The following PRKCA variants were observed in gnomAD, a reference collection of about 807,000 sequenced individuals.
The protein encoded by PRKCA is protein kinase C alpha type.
In PRKCA, 27 loss-of-function variants were observed where a neutral mutation model predicts 87.0. That is an observed-to-expected ratio of 0.31 (90% CI 0.23 to 0.43). The LOEUF (loss-of-function observed/expected upper bound fraction) is 0.43, where lower values mean the gene tolerates loss of function less well. Ranked by LOEUF, PRKCA falls within the 20% of genes least tolerant of loss-of-function variation. PRKCA has a pLI of 1.00. For missense variants in PRKCA, 518 were observed against 852.3 expected, an observed-to-expected ratio of 0.61 and a Z score of 4.88; for synonymous variants, 329 against 311.1, an observed-to-expected ratio of 1.06 and a Z score of -0.61.
intron 5 of PRKCA, among the ~76,000 whole-genome samples, chr17:66,667,807 A>C (rs1272130582): frequency 2.0e-5 from 3 of 152,240 alleles, no homozygotes; most frequent in Admixed American, 6.5e-5. Flanking sequence ...TTCTAGAAAC[A>C]GTGGAATTCC....
chr17:66,530,620 C>G (rs1475136137), intron 3 of PRKCA, among the ~76,000 whole-genome samples: 3 of 152,072 alleles, frequency 2.0e-5, no homozygotes, highest in Admixed American at 2.0e-4. Flanking sequence ...TGTTGGCTTC[C>G]AAACCTTCCG....
chr17:66,739,644 C>T (rs1467943179), intron 11 of PRKCA, among the ~76,000 whole-genome samples: 2 of 152,086 alleles, frequency 1.3e-5, no homozygotes, highest in Admixed American at 6.6e-5. Flanking sequence ...ACGAAATGAC[C>T]GGCTCAGAGG....
intron 3 of PRKCA, among the ~76,000 whole-genome samples, chr17:66,545,980 T>C (rs776048336): frequency 3.3e-5 from 5 of 152,262 alleles, no homozygotes; most frequent in Admixed American, 6.5e-5. Context: ...AGCTTTCTTT[T>C]AGATTAATGT....
intron 3 of PRKCA, among the ~76,000 whole-genome samples, chr17:66,551,238 A>G (rs771421379): frequency 6.6e-5 from 10 of 152,044 alleles, no homozygotes; most frequent in Non-Finnish European, 1.5e-4. Flanking sequence ...AATTTTTTAT[A>G]CTTTTCCGTA....
In PRKCA at chr17:66,590,856, A is replaced by C. The variant is rs372251026; in HGVS notation, c.289-50499A>C. On this transcript the variant is annotated intron_variant, in intron 3 of 16. Transcript: ENST00000413366. ...CGGAGCAAGACTCCGTCTCAAAAAA[A>C]AAAAAGTGGATGCCGGTCCTGAAAT... 3.9e-4 allele frequency among the ~76,000 whole-genome samples: 59 copies of C among 152,254 alleles called. 2 individuals are homozygous for C. Among genetic ancestry groups the C allele is most frequent in the Admixed American group, 1.2e-3 (19 of 15,300 alleles).
rs1348641256 is a variant in PRKCA at position 66,803,182 on chromosome 17, C to CA, written c.1855-690dup. ...GCCTCTCCCTGCCTCCCCAGGGCGCCATGCAAACATCCTCCAGCCTGAGAC... is the reference window on the plus strand; with the variant it reads ...GCCTCTCCCTGCCTCCCCAGGGCGCCAATGCAAACATCCTCCAGCCTGAGAC... On this transcript the variant is annotated intron_variant, in intron 16 of 16. Transcript: ENST00000413366. This position sits in a 1 kb window ranked among gnomAD's most constrained non-coding sequence, Gnocchi z 4.4. Among the ~76,000 whole-genome samples, 1 of 152,136 alleles carries CA rather than the reference C, an allele frequency of 6.6e-6. No individual in the cohort carries two copies. The highest frequency in any genetic ancestry group is 6.5e-5 in the Admixed American group (1 of 15,278).
chr17:66,310,695 C>A (rs1905046839), intron 2 of PRKCA, among the ~76,000 whole-genome samples: 2 of 152,150 alleles, frequency 1.3e-5, no homozygotes, highest in African/African-American at 2.4e-5. Flanking sequence ...TGAGTCTCCT[C>A]TTGGCTGTGT....
chr17:66,310,207 A>ATTTT (rs11361111), intron 2 of PRKCA, among the ~76,000 whole-genome samples: 2 of 145,390 alleles, frequency 1.4e-5, no homozygotes, highest in Admixed American at 1.4e-4. Flanking sequence ...GTTTTCTCTA[A>ATTTT]TTTTTTTTTT....
chr17:66,582,123 G>T (rs1220129701), intron 3 of PRKCA, among the ~76,000 whole-genome samples: 2 of 152,160 alleles, frequency 1.3e-5, no homozygotes, highest in Non-Finnish European at 2.9e-5. Context: ...CTCTACTGAG[G>T]TCTTGTATAC....
chr17:66,428,500 TTC>T (rs1291510467), intron 2 of PRKCA, among the ~76,000 whole-genome samples: 3 of 151,808 alleles, frequency 2.0e-5, no homozygotes, highest in African/African-American at 7.2e-5. Flanking sequence ...TGAAAAATTT[TTC>T]TTTCTTTTTT....
chr17:66,627,653 C>T (rs888008354), intron 3 of PRKCA, among the ~76,000 whole-genome samples: 6 of 152,140 alleles, frequency 3.9e-5, no homozygotes, highest in African/African-American at 1.2e-4. Context: ...GCTATAAAAC[C>T]GAATCCAGTG....
At chr17:66,479,907 A>G (rs1418016183) in intron 2 of PRKCA, among the ~76,000 whole-genome samples, 1 of 151,478 alleles carries the variant, frequency 6.6e-6, no homozygotes, top group Non-Finnish European at 1.5e-5. Context: ...TCAAGGGTAC[A>G]TGGCTTCATA....
chr17:66,422,693 A>C (rs1912557720), intron 2 of PRKCA, among the ~76,000 whole-genome samples: 1 of 152,164 alleles, frequency 6.6e-6, no homozygotes, highest in Non-Finnish European at 1.5e-5. Flanking sequence ...GACATAAGAG[A>C]GCCCGTGTCA....
rs574695507 is a variant in PRKCA at position 66,478,980 on chromosome 17, C to T, written c.206-17221C>T. On this transcript the variant is annotated intron_variant, in intron 2 of 16. Coordinates refer to ENST00000413366, the MANE Select transcript of PRKCA (RefSeq NM_002737.3). Reference sequence around the variant, plus strand: ...ATAGGCATGGGCAAAGATTTCATGACGAAGACGCCAAAAGCAATTGCGACA... The same window carrying T: ...ATAGGCATGGGCAAAGATTTCATGATGAAGACGCCAAAAGCAATTGCGACA... Among the ~76,000 whole-genome samples, 45 of 152,276 alleles carry T rather than the reference C, an allele frequency of 3.0e-4. 1 individual carries two copies. The highest frequency in any genetic ancestry group is 9.1e-4 in the African/African-American group (38 of 41,560).
At chr17:66,616,868 T>C (rs1186311349) in intron 3 of PRKCA, among the ~76,000 whole-genome samples, 1 of 144,106 alleles carries the variant, frequency 6.9e-6, no homozygotes, top group Non-Finnish European at 1.5e-5. Flanking sequence ...GCTGCTGTCA[T>C]GGGCAATGGG....
intron 16 of PRKCA, 103 bp downstream of exon 16, chr17:66,789,082 C>A: frequency 2.1e-6 from 3 of 1,426,518 alleles, no homozygotes; most frequent in East Asian, 2.5e-5. Flanking sequence ...GTGCCCCTGG[C>A]TTGTACAGGG....
chr17:66,327,472 G>A (rs761622707), intron 2 of PRKCA, among the ~76,000 whole-genome samples: 1 of 151,926 alleles, frequency 6.6e-6, no homozygotes, highest in Non-Finnish European at 1.5e-5. Flanking sequence ...GGAGGTGGAG[G>A]TTGCAGTGAG....
intron 3 of PRKCA, among the ~76,000 whole-genome samples, chr17:66,579,496 G>A (rs181555194): frequency 1.3e-4 from 20 of 152,302 alleles, no homozygotes; most frequent in Admixed American, 6.5e-4. Flanking sequence ...ACCTCATCAC[G>A]TCCTCATACG....
intron 3 of PRKCA, among the ~76,000 whole-genome samples, chr17:66,602,648 A>T (rs1234484092): frequency 6.6e-6 from 1 of 152,230 alleles, no homozygotes; most frequent in African/African-American, 2.4e-5. Context: ...ATTATGAGGG[A>T]TGTTGTAGTA....
Sources: gnomAD v4.1 joint callset for allele counts (sites outside exome capture counted in the v4.1 genomes callset) on GRCh38, gnomAD v4.1.1 for gene constraint, Gnocchi (gnomAD v3.1) non-coding constraint, MANE v1.5 for transcripts, NCBI Gene and HGNC (gene_info 2026-07-23, HGNC 2026-07-21) for gene names.